Variants in SLC22A2 observed in about 807,000 individuals in gnomAD.
The protein encoded by SLC22A2 is solute carrier family 22 member 2.
In SLC22A2, 46 loss-of-function variants were observed where a neutral mutation model predicts 60.5. That is an observed-to-expected ratio of 0.76 (90% confidence interval 0.60 to 0.97). The LOEUF (loss-of-function observed/expected upper bound fraction) is 0.97. Among genes scored for constraint, SLC22A2 ranks in the 50% least tolerant of loss-of-function variants. The pLI, the probability that SLC22A2 is intolerant of heterozygous loss-of-function variation, is 0.00. For missense variants in SLC22A2, 701 were observed against 706.6 expected (o/e 0.99, Z 0.09); for synonymous variants, 303 against 267.0 (o/e 1.13, Z -1.31).
At chr6:160,224,897 T>TA (rs397945984) in intron 9 of SLC22A2, 93 bp from the exon 10 acceptor site, 17 of 670,430 alleles carry the variant, frequency 2.5e-5, no homozygotes, top group East Asian at 5.8e-5. Context: ...AACTTTTTTT[T>TA]AGCATTTTTC....
At chr6:160,237,327 C>T (rs1264785601) in intron 9 of SLC22A2, among the ~76,000 whole-genome samples, 8 of 152,224 alleles carry the variant, frequency 5.3e-5, no homozygotes, top group African/African-American at 1.9e-4. Flanking sequence ...GATAATTTTG[C>T]TTATTTTTCT....
rs539332551 is a variant in SLC22A2, at chr6:160,224,659, T to A, written c.1601+46A>T. 22 of 1,311,060 alleles carry A rather than the reference T, an allele frequency of 1.7e-5. 1 individual carries two copies. In the South Asian group the frequency reaches 2.9e-4, roughly 17 times the overall value. 81.2% of individuals were successfully genotyped at this position (1,311,060 alleles called of 1,614,324 possible). A position where few individuals can be genotyped will look rare whatever the true frequency, so the allele number is the denominator to read the frequency against. On this transcript the variant is annotated intron_variant, in intron 10 of 10. Coordinates refer to ENST00000366953, the MANE Select transcript of SLC22A2 (RefSeq NM_003058.4). Reference sequence around the variant, plus strand: ...CTTTCCAAATGGCTATAGGGTTGTCTTAAAACCTTTATAGAACAATTCATT... The same window carrying A: ...CTTTCCAAATGGCTATAGGGTTGTCATAAAACCTTTATAGAACAATTCATT...
chr6:160,230,879 C>T lies in SLC22A2; in HGVS notation c.1502-6075G>A, dbSNP rs149800120. Among the ~76,000 whole-genome samples, 63 of 152,014 alleles carry T rather than the reference C, an allele frequency of 4.1e-4. 1 individual carries two copies. Among genetic ancestry groups the T allele is most frequent in the Middle Eastern group, 6.8e-3 (2 of 294 alleles). ...GGAAATTGGACTGTCCAACTTGCCC[C>T]GCAGCCAGTCCTAGGGCCCCTAAAG... On this transcript the variant is annotated intron_variant, in intron 9 of 10. Transcript: ENST00000366953.
chr6:160,226,271 C>T lies in SLC22A2; in HGVS notation c.1502-1467G>A, dbSNP rs372027607. On this transcript the variant is annotated intron_variant, in intron 9 of 10. Coordinates refer to ENST00000366953, the MANE Select transcript of SLC22A2 (RefSeq NM_003058.4). Reference sequence around the variant, plus strand: ...GCACTGCCGGCTCACTGGCTTCCCCCACCCACAAAGTTATGCTTAAAAACT... The same window carrying T: ...GCACTGCCGGCTCACTGGCTTCCCCTACCCACAAAGTTATGCTTAAAAACT... Among the ~76,000 whole-genome samples, 4 of 152,308 alleles carry T rather than the reference C, an allele frequency of 2.6e-5. 1 individual carries two copies. The highest frequency in any genetic ancestry group is 9.6e-5 in the African/African-American group (4 of 41,566).
chr6:160,227,123 C>G (rs986815286), intron 9 of SLC22A2, among the ~76,000 whole-genome samples: 1 of 152,182 alleles, frequency 6.6e-6, no homozygotes, highest in East Asian at 1.9e-4. Context: ...TGTAAAGAAT[C>G]TCTATTAACA....
At chr6:160,217,596 T>C in intron 10 of SLC22A2, 98 bp from the exon 11 acceptor site, 1 of 677,710 alleles carries the variant, frequency 1.5e-6, no homozygotes, top group South Asian at 1.8e-5. Flanking sequence ...CAACAAATGA[T>C]TATAAACTTT....
chr6:160,231,021 T>C (rs1260393277), intron 9 of SLC22A2, among the ~76,000 whole-genome samples: 1 of 151,954 alleles, frequency 6.6e-6, no homozygotes, highest in Non-Finnish European at 1.5e-5. Flanking sequence ...CACTGAGCTT[T>C]GGGTAACTCT....
At chr6:160,237,873 T>C (rs899753744) in intron 9 of SLC22A2, among the ~76,000 whole-genome samples, 1 of 152,158 alleles carries the variant, frequency 6.6e-6, no homozygotes, top group Non-Finnish European at 1.5e-5. Context: ...AAAACCAAGA[T>C]GGCAATGAGA....
chr6:160,256,499 G>A, intron 2 of SLC22A2, 115 bp downstream of exon 2: 1 of 708,638 alleles, frequency 1.4e-6, no homozygotes, highest in Non-Finnish European at 2.5e-6. Flanking sequence ...TGAAGGCCAG[G>A]AGATTGTGGT....
chr6:160,249,298 C>G lies in SLC22A2; in HGVS notation c.760G>C (p.Gly254Arg). ...CAGTGAGGAAGTGCGTAAGCCACCC[C>G]AGCTAGCACCAGGAGCCCAACTGTA... ...AYTVGLLVLA[G>R]VAYALPHWRW... The change falls in exon 4 of 11, where the codon GGG (glycine) becomes CGG (arginine). Residue 254 changes from glycine (G) to arginine (R), a missense_variant. Physicochemically the swap from Gly to Arg is moderately radical, Grantham distance 125 (BLOSUM62 -2). Transcript: ENST00000366953. 1 of 1,613,274 alleles carries G rather than the reference C, an allele frequency of 6.2e-7. No individual in the cohort carries two copies. Among genetic ancestry groups the G allele is most frequent in the Non-Finnish European group, 8.5e-7 (1 of 1,179,346 alleles).
chr6:160,242,783 C>T (rs150549425), intron 7 of SLC22A2, among the ~76,000 whole-genome samples: 32 of 152,034 alleles, frequency 2.1e-4, no homozygotes, highest in African/African-American at 6.5e-4. Context: ...TCAGTGGCAA[C>T]GATAATCACC....
chr6:160,246,674 G>C (rs1016468656), intron 5 of SLC22A2, among the ~76,000 whole-genome samples: 1 of 152,160 alleles, frequency 6.6e-6, no homozygotes, highest in Non-Finnish European at 1.5e-5. Context: ...TTGAACCTGG[G>C]AAGTGGAGAT....
At chr6:160,243,363 A>G (rs968386672) in intron 7 of SLC22A2, among the ~76,000 whole-genome samples, 1 of 152,038 alleles carries the variant, frequency 6.6e-6, no homozygotes, top group Non-Finnish European at 1.5e-5. Flanking sequence ...CTCTCTTGTT[A>G]CATCACATCA....
rs1171702178 is a variant in SLC22A2 at position 160,217,153 on chromosome 6, A to T, written c.*279T>A. 4 of 303,742 alleles carry T rather than the reference A, an allele frequency of 1.3e-5. No homozygotes were observed. The highest frequency in any genetic ancestry group is 5.0e-5 in the Admixed American group (1 of 20,098). The allele number at this position is 303,742 out of a possible 1,614,324, so 18.8% of individuals were successfully genotyped here. ...CATTGCAAAGAAAAGAATCAAATTT[A>T]AAAAAATACAAAGATGGAAAAAAAA... On this transcript the variant is annotated 3_prime_UTR_variant, in exon 11 of 11. Coordinates refer to ENST00000366953, the MANE Select transcript of SLC22A2 (RefSeq NM_003058.4).
chr6:160,233,805 C>A (rs1417764640), intron 9 of SLC22A2, among the ~76,000 whole-genome samples: 1 of 151,834 alleles, frequency 6.6e-6, no homozygotes, highest in South Asian at 2.1e-4. Context: ...TCCACTCGAA[C>A]CAGCCCTGAG....
chr6:160,230,693 C>T (rs969113616), intron 9 of SLC22A2, among the ~76,000 whole-genome samples: 1 of 151,988 alleles, frequency 6.6e-6, no homozygotes, highest in African/African-American at 2.4e-5. Context: ...ATCTCCAGCA[C>T]ACAAGAACTC....
intron 6 of SLC22A2, 52 bp from the exon 7 acceptor site, chr6:160,243,838 A>T (rs776495469): frequency 7.7e-7 from 1 of 1,290,612 alleles, no homozygotes; most frequent in South Asian, 1.2e-5. Flanking sequence ...ACAGGGCACC[A>T]AAAAAGAGAG....
chr6:160,228,617 G>A (rs1406568524), intron 9 of SLC22A2, among the ~76,000 whole-genome samples: 1 of 152,122 alleles, frequency 6.6e-6, no homozygotes, highest in Admixed American at 6.5e-5. Context: ...ACAGGATTAG[G>A]CATATACAGG....
chr6:160,242,155 T>C, intron 8 of SLC22A2, 139 bp downstream of exon 8: 1 of 661,300 alleles, frequency 1.5e-6, no homozygotes, highest in Non-Finnish European at 2.8e-6. Flanking sequence ...CTGCTGGGCC[T>C]GGCTGGACCT....
Sources: gnomAD v4.1 joint callset for allele counts (sites outside exome capture counted in the v4.1 genomes callset) on GRCh38, gnomAD v4.1.1 for gene constraint, MANE v1.5 for transcripts, NCBI Gene and HGNC (gene_info 2026-07-23, HGNC 2026-07-21) for gene names.